CCL17: variants seen among roughly 807,000 people sequenced by gnomAD.
CCL17 encodes the protein C-C motif chemokine 17.
Under a neutral mutation model 7.4 loss-of-function variants are expected in CCL17, and 8 were observed. The ratio of observed to expected loss-of-function variants is 1.09; its 90% CI spans 0.64 to 1.96. The LOEUF is 1.96. Among genes scored for constraint, CCL17 ranks in the 30% most tolerant of loss-of-function variants. CCL17 has a pLI of 0.00. For synonymous variants in CCL17, 40 were observed against 46.1 expected, an observed-to-expected ratio of 0.87 and a Z score of 0.54; for missense variants, 102 against 113.0, an observed-to-expected ratio of 0.90 and a Z score of 0.44.
chr16:57,403,651 AAT>A (rs1380041103), upstream of CCL17, among the ~76,000 whole-genome samples: 60 of 78,718 alleles, frequency 7.6e-4, 1 homozygote, highest in Admixed American at 3.1e-3. Context: ...AAATATATAT[AAT>A]ATATATATAT....
chr16:57,400,504 A>G (rs4784802), upstream of CCL17, among the ~76,000 whole-genome samples: 4,077 of 152,006 alleles, frequency 0.027, 84 homozygotes, highest in South Asian at 0.086. Context: ...GAGAGGCCCA[A>G]TGGTCATTCC....
At chr16:57,407,464 A>C (rs2146535244) in intron 1 of CCL17, among the ~76,000 whole-genome samples, 1 of 152,316 alleles carries the variant, frequency 6.6e-6, no homozygotes, top group African/African-American at 2.4e-5. Context: ...TATTTGGATG[A>C]AGGAGGCCCT....
the CCL17 span, among the ~76,000 whole-genome samples, chr16:57,398,596 TG>T: frequency 0.027 from 4,183 of 152,288 alleles, 84 homozygotes; most frequent in South Asian, 0.085. Flanking sequence ...CCCCTGCAAC[TG>T]TTTTAATGTC....
intron 1 of CCL17, among the ~76,000 whole-genome samples, chr16:57,407,896 C>T (rs149430587): frequency 2.9e-4 from 44 of 151,816 alleles, no homozygotes; most frequent in African/African-American, 9.2e-4. Context: ...TCTACCCATC[C>T]GTTCATCCAT....
At chr16:57,396,675 G>A in the CCL17 span, among the ~76,000 whole-genome samples, 1 of 152,296 alleles carries the variant, frequency 6.6e-6, no homozygotes, top group East Asian at 1.9e-4. Context: ...AGGAGGTGAT[G>A]ATTTTTGGAG....
intron 1 of CCL17, among the ~76,000 whole-genome samples, chr16:57,409,144 A>G (rs1468088743): frequency 6.6e-6 from 1 of 152,256 alleles, no homozygotes; most frequent in South Asian, 2.1e-4. Context: ...TCACAATACA[A>G]TATGAAGACA....
At chr16:57,410,438 C>T (rs1277139290) in intron 1 of CCL17, among the ~76,000 whole-genome samples, 1 of 152,168 alleles carries the variant, frequency 6.6e-6, no homozygotes, top group East Asian at 1.9e-4. Flanking sequence ...CCTAATAGGC[C>T]TAACAGTGTC....
At chr16:57,403,621 ATATATAT>A (rs1567561255), upstream of CCL17, among the ~76,000 whole-genome samples, 13 of 71,562 alleles carry the variant, frequency 1.8e-4, no homozygotes, top group African/African-American at 7.1e-4. Context: ...TATATTTATA[ATATATAT>A]TATATATATT....
intron 2 of CCL17, among the ~76,000 whole-genome samples, chr16:57,414,546 G>A (rs578189724): frequency 6.7e-6 from 1 of 149,178 alleles, no homozygotes; most frequent in Non-Finnish European, 1.5e-5. Context: ...AGCCTCCCGA[G>A]TAGCTGGGAA....
chr16:57,412,268 C>G (rs2146539671), intron 1 of CCL17, among the ~76,000 whole-genome samples: 1 of 152,276 alleles, frequency 6.6e-6, no homozygotes, highest in Non-Finnish European at 1.5e-5. Flanking sequence ...CAGGGAAGCC[C>G]CACTCCCAGG....
At chr16:57,410,528 G>A (rs1175895959) in intron 1 of CCL17, among the ~76,000 whole-genome samples, 6 of 152,118 alleles carry the variant, frequency 3.9e-5, no homozygotes, top group African/African-American at 1.4e-4. Context: ...ACAAAGCTCT[G>A]CCTCACTGCC....
intron 1 of CCL17, among the ~76,000 whole-genome samples, chr16:57,408,529 G>T (rs566397151): frequency 1.3e-5 from 2 of 151,832 alleles, no homozygotes; most frequent in Non-Finnish European, 2.9e-5. Context: ...CTCCCTACTC[G>T]GCCTCCAGAG....
At chr16:57,409,325 G>C (rs527245452) in intron 1 of CCL17, among the ~76,000 whole-genome samples, 1 of 152,322 alleles carries the variant, frequency 6.6e-6, no homozygotes, top group Non-Finnish European at 1.5e-5. Context: ...CATCAGTAAA[G>C]GCCCGGCATT....
At chr16:57,398,201 C>T in the CCL17 span, among the ~76,000 whole-genome samples, 1 of 152,158 alleles carries the variant, frequency 6.6e-6, no homozygotes, top group African/African-American at 2.4e-5. Flanking sequence ...GAAATCCTTT[C>T]CTTGTATTAT....
At chr16:57,399,019 C>T in the CCL17 span, among the ~76,000 whole-genome samples, 3 of 152,156 alleles carry the variant, frequency 2.0e-5, no homozygotes, top group South Asian at 2.1e-4. Flanking sequence ...AAGAAGCCAT[C>T]CTTGAGGTCC....
chr16:57,414,086 G>A (rs527423845), intron 2 of CCL17, 84 bp downstream of exon 2: 62 of 1,054,258 alleles, frequency 5.9e-5, no homozygotes, highest in Admixed American at 1.1e-4. Context: ...CAATACACAC[G>A]TTTGTGTATT....
At chr16:57,400,176 G>A (rs141395769), upstream of CCL17, among the ~76,000 whole-genome samples, 587 of 152,162 alleles carry the variant, frequency 3.9e-3, 4 homozygotes, top group African/African-American at 0.014. Context: ...TGGCTAACGC[G>A]GTGAAACCCT....
intron 1 of CCL17, among the ~76,000 whole-genome samples, chr16:57,409,452 A>G (rs1902750629): frequency 6.6e-6 from 1 of 152,156 alleles, no homozygotes; most frequent in Admixed American, 6.5e-5. Context: ...TCGTCCTGAG[A>G]GTAACGGGGA....
At chr16:57,398,585 AC>A in the CCL17 span, among the ~76,000 whole-genome samples, 1 of 151,996 alleles carries the variant, frequency 6.6e-6, no homozygotes, top group South Asian at 2.1e-4. Context: ...ATCCCAAGGA[AC>A]CCCTGCAACT....
Sources: allele counts gnomAD v4.1 joint callset (sites outside exome capture counted in the v4.1 genomes callset), GRCh38; gene constraint gnomAD v4.1.1; transcripts MANE v1.5; gene names NCBI Gene and HGNC (gene_info 2026-07-23, HGNC 2026-07-21).